The following PPP1R7 variants were observed in gnomAD, a reference collection of about 807,000 sequenced individuals.
PPP1R7 encodes the protein protein phosphatase 1 regulatory subunit 7.
PPP1R7 carries 18 observed loss-of-function variants against 45.2 expected under a neutral mutation model. The ratio of observed to expected loss-of-function variants is 0.40; its 90% confidence interval spans 0.28 to 0.59. The LOEUF is 0.59. PPP1R7 is among the 20% of genes least tolerant of loss of function. PPP1R7 has a pLI of 0.46. For synonymous variants in PPP1R7, 181 were observed against 183.4 expected (o/e 0.99, Z 0.11); for missense variants, 314 against 455.8 (o/e 0.69, Z 2.83).
intron 1 of PPP1R7, 25 bp from the exon 2 acceptor site, chr2:241,153,451 T>C (rs371592298): frequency 5.0e-6 from 8 of 1,613,518 alleles, no homozygotes; most frequent in Non-Finnish European, 6.8e-6. Flanking sequence ...TGGATGTGAA[T>C]TCTCATTGAC....
intron 9 of PPP1R7, among the ~76,000 whole-genome samples, chr2:241,177,423 A>G (rs891528907): frequency 1.6e-4 from 24 of 152,156 alleles, no homozygotes; most frequent in African/African-American, 5.8e-4. Context: ...CTTAAAAAAA[A>G]AAAAATCATA....
intron 2 of PPP1R7, among the ~76,000 whole-genome samples, chr2:241,155,563 G>A (rs1405620134): frequency 2.0e-5 from 3 of 152,166 alleles, no homozygotes; most frequent in Non-Finnish European, 4.4e-5. Context: ...AAAATATGAT[G>A]AATATATAAT....
chr2:241,162,700 T>G (rs2067621532), intron 6 of PPP1R7, among the ~76,000 whole-genome samples: 1 of 149,766 alleles, frequency 6.7e-6, no homozygotes, highest in African/African-American at 2.4e-5. Context: ...TTTTTTTTTT[T>G]GAGACGGAGT....
At chr2:241,172,869 A>G (rs2067841896) in intron 9 of PPP1R7, among the ~76,000 whole-genome samples, 1 of 152,028 alleles carries the variant, frequency 6.6e-6, no homozygotes, top group Admixed American at 6.5e-5. Flanking sequence ...TATTATGGAT[A>G]CACAATTCTA....
intron 5 of PPP1R7, 99 bp downstream of exon 5, chr2:241,159,442 T>C (rs2067535347): frequency 6.9e-7 from 1 of 1,454,786 alleles, no homozygotes; most frequent in African/African-American, 1.4e-5. Context: ...TCTTAGCCCT[T>C]GAGAGGCTGC....
intron 9 of PPP1R7, among the ~76,000 whole-genome samples, chr2:241,174,941 C>T (rs2067885217): frequency 6.6e-6 from 1 of 152,158 alleles, no homozygotes; most frequent in South Asian, 2.1e-4. Context: ...TCCCCAGGTG[C>T]TGGGATTACA....
At chr2:241,161,897 G>A (rs1050805816) in intron 6 of PPP1R7, among the ~76,000 whole-genome samples, 18 of 152,204 alleles carry the variant, frequency 1.2e-4, no homozygotes, top group Admixed American at 1.3e-4. Context: ...CCCCCGGCCT[G>A]GCTTAGTGGC....
At chr2:241,163,679 C>T (rs2067644542) in intron 7 of PPP1R7, among the ~76,000 whole-genome samples, 1 of 152,172 alleles carries the variant, frequency 6.6e-6, no homozygotes, top group African/African-American at 2.4e-5. Flanking sequence ...TCATAGCTCA[C>T]TGCAGCCTCC....
intron 7 of PPP1R7, among the ~76,000 whole-genome samples, chr2:241,165,000 G>A (rs182929402): frequency 2.0e-5 from 3 of 152,200 alleles, no homozygotes; most frequent in Admixed American, 1.3e-4. Context: ...GTGAGCCAAG[G>A]TTGTGCCACT....
intron 9 of PPP1R7, among the ~76,000 whole-genome samples, chr2:241,170,284 T>C (rs74993116): frequency 0.013 from 1,967 of 152,322 alleles, 76 homozygotes; most frequent in East Asian, 0.1. Context: ...CCTACAGATA[T>C]ATTCCAGCAC....
chr2:241,163,545 T>A, intron 7 of PPP1R7, 144 bp downstream of exon 7: 2 of 645,496 alleles, frequency 3.1e-6, no homozygotes, highest in Admixed American at 2.6e-5. Flanking sequence ...TTAGATGCCA[T>A]AGACTTTATA....
At chr2:241,163,629 G>C (rs998603403) in intron 7 of PPP1R7, among the ~76,000 whole-genome samples, 4 of 151,912 alleles carry the variant, frequency 2.6e-5, no homozygotes, top group East Asian at 1.9e-4. Flanking sequence ...TTAGAAACAG[G>C]GTCTTTATCT....
intron 7 of PPP1R7, among the ~76,000 whole-genome samples, chr2:241,164,409 T>C (rs1282443938): frequency 2.0e-5 from 3 of 152,228 alleles, no homozygotes; most frequent in African/African-American, 7.2e-5. Flanking sequence ...AGCACTTGGG[T>C]GTGCCTAGGC....
At chr2:241,149,735 G>C, upstream of PPP1R7, 1 of 1,546,196 alleles carries the variant, frequency 6.5e-7, no homozygotes. Context: ...TCGCCTCTTG[G>C]AGGCCTCTTT....
intron 2 of PPP1R7, among the ~76,000 whole-genome samples, chr2:241,157,600 A>G (rs2067487257): frequency 6.6e-6 from 1 of 152,236 alleles, no homozygotes. Flanking sequence ...CAGGAAATTC[A>G]GAATGCTTAA....
upstream of PPP1R7, chr2:241,149,829 C>A: frequency 6.6e-7 from 1 of 1,508,214 alleles, no homozygotes; most frequent in Non-Finnish European, 8.8e-7. Context: ...CCGCACTGGG[C>A]TGGGAACGAC....
intron 6 of PPP1R7, 75 bp from the exon 7 acceptor site, chr2:241,163,210 C>T (rs1021548263): frequency 4.6e-5 from 42 of 919,934 alleles, no homozygotes; most frequent in Admixed American, 3.9e-5. Context: ...AGCTCTGCCC[C>T]GGTCCAGGCA....
chr2:241,149,938 A>G (rs568939281), upstream of PPP1R7: 8 of 1,428,796 alleles, frequency 5.6e-6, no homozygotes, highest in Non-Finnish European at 6.4e-6. Context: ...CCGAGCGTCA[A>G]GAGAAGGCGG....
intron 2 of PPP1R7, among the ~76,000 whole-genome samples, chr2:241,154,837 A>C (rs1490943351): frequency 1.3e-5 from 2 of 152,268 alleles, no homozygotes; most frequent in African/African-American, 4.8e-5. Context: ...TGTTTTCTAG[A>C]TTTGTATACA....
Sources: allele counts gnomAD v4.1 joint callset (sites outside exome capture counted in the v4.1 genomes callset), GRCh38; gene constraint gnomAD v4.1.1; transcripts MANE v1.5; gene names NCBI Gene and HGNC (gene_info 2026-07-23, HGNC 2026-07-21).